PLXNB2: variants seen among roughly 807,000 people sequenced by gnomAD.
PLXNB2 encodes the protein plexin B2, also known as plexin-B2.
A neutral mutation model predicts 202.6 loss-of-function variants in PLXNB2; 85 were observed. The ratio of observed to expected loss-of-function variants is 0.42; its 90% CI spans 0.35 to 0.50. The LOEUF (loss-of-function observed/expected upper bound fraction) is 0.50, where lower values mean the gene tolerates loss of function less well. PLXNB2 is among the 20% of genes least tolerant of loss of function. PLXNB2 has a pLI of 0.02. For missense variants in PLXNB2, 2,063 were observed against 2,586.2 expected (o/e 0.80, Z 4.39); for synonymous variants, 1,239 against 1,137.6 (o/e 1.09, Z -1.79).
At position 50,275,632 on chromosome 22, in the gene PLXNB2, C is replaced by G. The variant is rs567266474; in HGVS notation, c.*72G>C. The G allele has an allele frequency of 9.1e-7, 1 of 1,101,840 alleles. No homozygotes were observed. Among genetic ancestry groups the G allele is most frequent in the Non-Finnish European group, 1.3e-6 (1 of 755,790 alleles). The allele number at this position is 1,101,840 out of a possible 1,614,324, so 68.3% of individuals were successfully genotyped here. On this transcript the variant is annotated 3_prime_UTR_variant, in exon 37 of 37. Transcript: ENST00000359337. ...GGTGGGGGCCTCAGCCACAGCCACT[C>G]GGCCTCCTCCCCTGAGGGGCTCTCA...
At position 50,282,867 on chromosome 22, in the gene PLXNB2, G is replaced by C. The variant is rs149805063; in HGVS notation, c.2831C>G (p.Ala944Gly). Residue 944 changes from alanine to glycine, a missense_variant, in exon 18 of 37, where the codon GCG becomes GGG. Ala to Gly is a moderately conservative substitution (Grantham distance 60, BLOSUM62 0). Around this residue, in one of 2 missense-constraint regions of PLXNB2, gnomAD observed 1,303 missense variants for 1,476.8 expected, o/e 0.88. Coordinates refer to ENST00000359337, the MANE Select transcript of PLXNB2 (RefSeq NM_012401.4). ...GVPCKVTKFGAQLQCVTGPQA... is the reference protein window; with the variant it reads ...GVPCKVTKFGGQLQCVTGPQA... ...GGGGCCAGTGACACACTGGAGCTGC[G>C]CCCCAAACTTCGTCCTGGGGGAGGG... The C allele has an allele frequency of 1.9e-6, 3 of 1,609,220 alleles. No individual in the cohort carries two copies. The highest frequency in any genetic ancestry group is 2.5e-6 in the Non-Finnish European group (3 of 1,177,310).
chr22:50,281,325 C>G, intron 22 of PLXNB2, 35 bp downstream of exon 22: 1 of 1,608,480 alleles, frequency 6.2e-7, no homozygotes, highest in Non-Finnish European at 8.5e-7. Context: ...GGGCCGAGGG[C>G]TCAGGGTGTT....
Position 50,284,888 on chromosome 22 carries a change from C to A in PLXNB2, c.2089-223G>T, listed in dbSNP as rs542604282. The A allele has an allele frequency of 1.5e-6, 1 of 660,452 alleles. No individual in the cohort carries two copies. The highest frequency in any genetic ancestry group is 2.9e-6 in the Non-Finnish European group (1 of 348,370). 40.9% of individuals were successfully genotyped at this position (660,452 alleles called of 1,614,324 possible). ...CTGAACGTCCTCTGTGGGTTTCCCA[C>A]GGCCACCTCCACCACTCATCCACAC... On this transcript the variant is annotated intron_variant, in intron 11 of 36. Transcript: ENST00000359337. This position sits in a 1 kb window ranked among gnomAD's most constrained non-coding sequence, Gnocchi z 8.0.
Position 50,307,537 on chromosome 22 carries a change from C to G in PLXNB2, c.-74+16G>C. ...AGCGAGACGTCCCCCGCAGCCCAGT[C>G]CCCCGAGCTCGGTACCTGCACGTCC... On this transcript the variant is annotated intron_variant, in intron 1 of 36. Coordinates refer to ENST00000359337, the MANE Select transcript of PLXNB2 (RefSeq NM_012401.4). 1.0e-6 allele frequency: 1 copy of G among 980,640 alleles called. No individual in the cohort carries two copies. Among genetic ancestry groups the G allele is most frequent in the Non-Finnish European group, 1.2e-6 (1 of 827,208 alleles). The allele number at this position is 980,640 out of a possible 1,614,324, so 60.7% of individuals were successfully genotyped here. A position where few individuals can be genotyped will look rare whatever the true frequency, so the allele number is the denominator to read the frequency against.
Position 50,288,724 on chromosome 22 carries a change from G to A in PLXNB2, c.1380+19C>T, listed in dbSNP as rs754045403. On this transcript the variant is annotated intron_variant, in intron 5 of 36. Coordinates refer to ENST00000359337, the MANE Select transcript of PLXNB2 (RefSeq NM_012401.4). This position sits in a 1 kb window ranked among gnomAD's most constrained non-coding sequence, Gnocchi z 5.0. ...GCACACTTGGCCTAGAGTGCTCTCC[G>A]GGGCTGCGTCTGGCTCACCTTGTCC... 29 of 1,612,036 alleles carry A rather than the reference G, an allele frequency of 1.8e-5. No individual in the cohort carries two copies. In the East Asian group the frequency reaches 2.7e-4, roughly 15 times the overall value.
chr22:50,282,768 A>T lies in PLXNB2; in HGVS notation c.2930T>A (p.Phe977Tyr), dbSNP rs767463618. 3.8e-6 allele frequency: 6 copies of T among 1,589,118 alleles called. No individual in the cohort carries two copies. In the South Asian group the frequency reaches 6.7e-5, roughly 18 times the overall value. Residue 977 changes from phenylalanine to tyrosine, a missense_variant, in exon 18 of 37, where the codon TTC (phenylalanine) becomes TAC (tyrosine). Physicochemically the swap from Phe to Tyr is conservative, Grantham distance 22. Transcript: ENST00000359337. ...GSPVPNPGIF[F>Y]TYRENPVLRA... The stretch of plus-strand genomic sequence containing the variant: ...CAGTACGGGGTTTTCGCGGTAGGTG[A>T]AGAAGATGCCGGGGTTGGGCACGGG...
At chr22:50,280,349 G>C (rs1160171578) in intron 25 of PLXNB2, 140 bp downstream of exon 25, 1 of 782,402 alleles carries the variant, frequency 1.3e-6, no homozygotes, top group Non-Finnish European at 1.9e-6. Flanking sequence ...ACCACCCCTA[G>C]ACCGCCCCCC....
At chr22:50,287,023 C>A (rs2066504895) in intron 8 of PLXNB2, 88 bp downstream of exon 8, 1 of 1,320,576 alleles carries the variant, frequency 7.6e-7, no homozygotes, top group Admixed American at 3.0e-5. Flanking sequence ...AGAGCCTGCA[C>A]CCAGGGGCCA....
chr22:50,301,296 GCTACA>G, intron 1 of PLXNB2: 4 of 647,758 alleles, frequency 6.2e-6, no homozygotes, highest in Non-Finnish European at 7.7e-6. Flanking sequence ...GCCCCCTCTT[GCTACA>G]CCGTGGTCCT....
At chr22:50,282,674 T>C in intron 18 of PLXNB2, 37 bp downstream of exon 18, 1 of 1,461,918 alleles carries the variant, frequency 6.8e-7, no homozygotes, top group Non-Finnish European at 9.4e-7. Flanking sequence ...CAGCTGGGTG[T>C]GGGGAGCAGA....
In PLXNB2 at chr22:50,283,677, GC is replaced by G; in HGVS notation, c.2494del (p.Ala832GlnfsTer30). 4.3e-6 allele frequency: 7 copies of G among 1,613,160 alleles called. No individual in the cohort carries two copies. Among genetic ancestry groups the G allele is most frequent in the Non-Finnish European group, 5.9e-6 (7 of 1,179,958 alleles). On this transcript the variant is annotated frameshift_variant, in exon 15 of 37. Coordinates refer to ENST00000359337, the MANE Select transcript of PLXNB2 (RefSeq NM_012401.4). LOFTEE classifies it high-confidence loss of function. The stretch of plus-strand genomic sequence containing the variant: ...CACAGAGATCCTCTGGATGTCCCCT[GC>G]TTGGACGCCCAAATTGGACCCCAGG... ...TILGSNLGVQ[A>X]GDIQRISVAG...
rs28523652 is a variant in PLXNB2 at position 50,289,770 on chromosome 22, T to G, written c.815A>C (p.His272Pro). Reference protein sequence around the residue: ...MDLQCRDPDIHAAAFGTCLAA... With the variant: ...MDLQCRDPDIPAAAFGTCLAA... Reference sequence around the variant, plus strand: ...CAGGCAGGTGCCAAAGGCAGCGGCGTGGATGTCGGGGTCCCGGCACTGCAG... The same window carrying G: ...CAGGCAGGTGCCAAAGGCAGCGGCGGGGATGTCGGGGTCCCGGCACTGCAG... Residue 272 changes from histidine (H) to proline (P), a missense_variant, in exon 3 of 37, where the codon CAC becomes CCC. Transcript: ENST00000359337. The surrounding 1 kb of genome is among the most constrained non-coding windows in gnomAD (Gnocchi z 8.0). The G allele has an allele frequency of 6.2e-7, 1 of 1,612,944 alleles. No individual in the cohort carries two copies. The highest frequency in any genetic ancestry group is 1.6e-4 in the Middle Eastern group (1 of 6,062).
chr22:50,302,570 C>A (rs117940427), intron 1 of PLXNB2, among the ~76,000 whole-genome samples: 1,611 of 152,252 alleles, frequency 0.011, 9 homozygotes, highest in Non-Finnish European at 0.017. Flanking sequence ...CTGCCTGGGG[C>A]GCCCCACCTT....
intron 20 of PLXNB2, 46 bp downstream of exon 20, chr22:50,281,808 C>A: frequency 1.9e-6 from 3 of 1,588,740 alleles, no homozygotes; most frequent in Non-Finnish European, 2.6e-6. Context: ...AGCTCTCAGC[C>A]CAGACCCGAG....
intron 1 of PLXNB2, among the ~76,000 whole-genome samples, chr22:50,296,944 G>A (rs2067320534): frequency 6.6e-6 from 1 of 152,230 alleles, no homozygotes; most frequent in Admixed American, 6.5e-5. Flanking sequence ...TGCTGCACAG[G>A]TAAGGGTTAA....
chr22:50,293,889 C>T (rs1220443136), intron 2 of PLXNB2, among the ~76,000 whole-genome samples: 4 of 152,368 alleles, frequency 2.6e-5, no homozygotes, highest in Admixed American at 2.0e-4. Context: ...ATAAACACCA[C>T]CGTGTGCCAC....
At position 50,279,684 on chromosome 22, in the gene PLXNB2, C is replaced by T; in HGVS notation, c.4335G>A (p.Lys1445=). 6 of 1,614,030 alleles carry T rather than the reference C, an allele frequency of 3.7e-6. No homozygotes were observed. The highest frequency in any genetic ancestry group is 5.1e-6 in the Non-Finnish European group (6 of 1,179,990). The change falls in exon 27 of 37, where the codon AAG becomes AAA. Residue 1445 remains lysine, a synonymous_variant. Transcript: ENST00000359337. ...GCAGCCCCGTGTCGTTGAGAGTGTA[C>T]TTGGCCTTCTTCTGTACCGCATCCA... ...GPVDAVQKKA[K]YTLNDTGLLG...
intron 1 of PLXNB2, among the ~76,000 whole-genome samples, chr22:50,299,757 C>T (rs898601158): frequency 9.9e-5 from 15 of 152,110 alleles, no homozygotes; most frequent in Non-Finnish European, 2.1e-4. Context: ...CCCCACCCAC[C>T]GGTGACCCGG....
At position 50,291,274 on chromosome 22, in the gene PLXNB2, C is replaced by T. The variant is rs546245889; in HGVS notation, c.-13-677G>A. ...CTCCTCGCTCGGCCCATGTCACGCC[C>T]AGGGCACAGCCTCTGATGTGCGCAC... On this transcript the variant is annotated intron_variant, in intron 2 of 36. Coordinates refer to ENST00000359337, the MANE Select transcript of PLXNB2 (RefSeq NM_012401.4). This position sits in a 1 kb window ranked among gnomAD's most constrained non-coding sequence, Gnocchi z 4.3. Among the ~76,000 whole-genome samples, 2 of 152,320 alleles carry T rather than the reference C, an allele frequency of 1.3e-5. No individual in the cohort carries two copies. Among genetic ancestry groups the T allele is most frequent in the South Asian group, 4.1e-4 (2 of 4,830 alleles).
Sources: gnomAD v4.1 joint callset for allele counts (sites outside exome capture counted in the v4.1 genomes callset) on GRCh38, gnomAD v4.1.1 for gene constraint, gnomAD v4.1.1 regional missense constraint, Gnocchi (gnomAD v3.1) non-coding constraint, MANE v1.5 for transcripts, NCBI Gene and HGNC (gene_info 2026-07-23, HGNC 2026-07-21) for gene names.